AP3B1: variants seen among roughly 807,000 people sequenced by gnomAD.
AP3B1 encodes AP-3 complex subunit beta-1.
AP3B1 carries 61 observed loss-of-function variants against 132.5 expected under a neutral mutation model. The observed-to-expected ratio is 0.46, with a 90% CI of 0.37 to 0.57. The LOEUF (loss-of-function observed/expected upper bound fraction) is 0.57. AP3B1 is among the 20% of genes least tolerant of loss of function. AP3B1 has a pLI of 0.00. For synonymous variants in AP3B1, 388 were observed against 438.3 expected (o/e 0.89, Z 1.43); for missense variants, 1,120 against 1,289.4 (o/e 0.87, Z 2.01).
chr5:78,088,409 C>T (rs957508376), intron 22 of AP3B1, among the ~76,000 whole-genome samples: 14 of 152,224 alleles, frequency 9.2e-5, no homozygotes, highest in South Asian at 4.2e-4. Flanking sequence ...ACTTTCTGAG[C>T]GAGGTGACCA....
intron 7 of AP3B1, among the ~76,000 whole-genome samples, chr5:78,182,091 A>T (rs1261732551): frequency 1.3e-5 from 2 of 152,208 alleles, no homozygotes; most frequent in Non-Finnish European, 2.9e-5. Flanking sequence ...ACATAAAAGA[A>T]ATCACAGTAA....
intron 15 of AP3B1, among the ~76,000 whole-genome samples, chr5:78,133,671 G>A (rs1752776191): frequency 1.3e-5 from 2 of 152,126 alleles, no homozygotes; most frequent in African/African-American, 4.8e-5. Flanking sequence ...TAATTAAATA[G>A]TACTTTTAAA....
chr5:78,064,325 G>A (rs1749186520), intron 22 of AP3B1, among the ~76,000 whole-genome samples: 1 of 151,978 alleles, frequency 6.6e-6, no homozygotes, highest in African/African-American at 2.4e-5. Flanking sequence ...GACCCTTTCT[G>A]GAAGTTGATT....
intron 1 of AP3B1, among the ~76,000 whole-genome samples, chr5:78,292,804 G>A (rs1392572450): frequency 6.6e-6 from 1 of 151,440 alleles, no homozygotes; most frequent in Non-Finnish European, 1.5e-5. Context: ...CAAGAGCACT[G>A]GTCACAGAGT....
intron 21 of AP3B1, among the ~76,000 whole-genome samples, chr5:78,096,849 C>G (rs1022101392): frequency 1.1e-4 from 16 of 148,316 alleles, no homozygotes; most frequent in African/African-American, 4.0e-4. Flanking sequence ...GGGGGCTCAG[C>G]CCCCGCCAGG....
intron 22 of AP3B1, among the ~76,000 whole-genome samples, chr5:78,083,235 A>C (rs1750092781): frequency 6.6e-6 from 1 of 152,220 alleles, no homozygotes; most frequent in South Asian, 2.1e-4. Context: ...AGAAACAAAA[A>C]ACGCAAAGGA....
At chr5:78,201,164 T>G (rs931061156) in intron 7 of AP3B1, among the ~76,000 whole-genome samples, 13 of 152,108 alleles carry the variant, frequency 8.5e-5, no homozygotes, top group African/African-American at 2.7e-4. Flanking sequence ...TTCTGTTGTT[T>G]AAGCCACCCA....
At chr5:78,011,968 T>C (rs1746643079) in intron 26 of AP3B1, among the ~76,000 whole-genome samples, 1 of 152,090 alleles carries the variant, frequency 6.6e-6, no homozygotes, top group African/African-American at 2.4e-5. Context: ...AAAATTTTAA[T>C]CTCTTAAAAT....
intron 26 of AP3B1, among the ~76,000 whole-genome samples, chr5:78,014,141 T>C (rs1282089): frequency 1 from 151,922 of 152,164 alleles, 75,845 homozygotes; most frequent in Middle Eastern, 1. Flanking sequence ...CCAGCCTGGG[T>C]GACAGAGTAA....
intron 1 of AP3B1, among the ~76,000 whole-genome samples, chr5:78,274,494 G>A (rs1032806080): frequency 1.3e-5 from 2 of 151,950 alleles, no homozygotes; most frequent in Middle Eastern, 3.4e-3. Flanking sequence ...TAATGGTTAA[G>A]AATTGTTCTG....
At chr5:78,043,110 G>A (rs928992673) in intron 22 of AP3B1, 8 of 152,968 alleles carry the variant, frequency 5.2e-5, no homozygotes, top group African/African-American at 1.9e-4. Flanking sequence ...CTTCAATCTT[G>A]GACTTTTTCT....
chr5:78,172,473 C>A (rs942235329), intron 11 of AP3B1, among the ~76,000 whole-genome samples: 5 of 152,052 alleles, frequency 3.3e-5, no homozygotes, highest in Admixed American at 6.6e-5. Context: ...GGAGTGTGTA[C>A]GTGTCCAGGA....
At chr5:78,101,206 T>C (rs1285929722) in intron 20 of AP3B1, among the ~76,000 whole-genome samples, 181 bp from the exon 21 acceptor site, 3 of 152,162 alleles carry the variant, frequency 2.0e-5, no homozygotes, top group Non-Finnish European at 4.4e-5. Flanking sequence ...GCATATAGTA[T>C]TTCTTACCCA....
chr5:78,294,642 C>T lies in AP3B1; in HGVS notation c.-63G>A. 1 of 1,610,272 alleles carries T rather than the reference C, an allele frequency of 6.2e-7. No individual in the cohort carries two copies. The highest frequency in any genetic ancestry group is 8.5e-7 in the Non-Finnish European group (1 of 1,179,338). ...GGGGTTCTCTCCAAAAGGTTCCAGT[C>T]CAGAGGGCACGGAACAAAACTAGTT... On this transcript the variant is annotated 5_prime_UTR_variant, in exon 1 of 27. Transcript: ENST00000255194.
At position 78,017,696 on chromosome 5, in the gene AP3B1, A is replaced by T. The variant is rs137994521; in HGVS notation, c.2993-2148T>A. On this transcript the variant is annotated intron_variant, in intron 25 of 26. Coordinates refer to ENST00000255194, the MANE Select transcript of AP3B1 (RefSeq NM_003664.5). The stretch of plus-strand genomic sequence containing the variant: ...AACTATATCAGGTATTCTCAAATTA[A>T]CAGGAAAGAAAAATAGGCAAAGGTT... 1.1e-3 allele frequency among the ~76,000 whole-genome samples: 166 copies of T among 152,198 alleles called. 1 individual carries two copies. The highest frequency in any genetic ancestry group is 3.9e-3 in the African/African-American group (162 of 41,568).
Position 78,141,214 on chromosome 5 carries a change from T to C in AP3B1, c.1579A>G (p.Ser527Gly), listed in dbSNP as rs748434719. Residue 527 changes from serine (S) to glycine (G), a missense_variant, in exon 15 of 27, where the codon AGT (serine) becomes GGT (glycine). Physicochemically the swap from Ser to Gly is moderately conservative, Grantham distance 56. Coordinates refer to ENST00000255194, the MANE Select transcript of AP3B1 (RefSeq NM_003664.5). ...VLRKMAKSFT[S>G]EDDLVKLQIL... is the part of the protein sequence containing the mutation. ...TGCAGTTTTACCAGATCATCTTCAC[T>C]AGTGAAGCTTTTAGCCATCTTCCTC... The C allele has an allele frequency of 8.1e-6, 13 of 1,613,742 alleles. No individual in the cohort carries two copies. Among genetic ancestry groups the C allele is most frequent in the Non-Finnish European group, 1.1e-5 (13 of 1,179,802 alleles).
chr5:78,156,796 C>T (rs1743168467), intron 13 of AP3B1, among the ~76,000 whole-genome samples: 1 of 151,538 alleles, frequency 6.6e-6, no homozygotes, highest in African/African-American at 2.4e-5. Context: ...AAACAGCAAA[C>T]TAAAAAAAAA....
intron 22 of AP3B1, among the ~76,000 whole-genome samples, chr5:78,051,023 G>T (rs973371085): frequency 6.6e-6 from 1 of 152,128 alleles, no homozygotes; most frequent in Non-Finnish European, 1.5e-5. Context: ...GATGGTTTAT[G>T]AAAATAAGCA....
At position 78,113,852 on chromosome 5, in the gene AP3B1, T is replaced by G; in HGVS notation, c.2149A>C (p.Ser717Arg). Reference sequence around the variant, plus strand: ...TCCTGCTCACTGGAGGAGTCCTCACTGCTGTCCTCATTGCTGTCTCCTTCC... The same window carrying G: ...TCCTGCTCACTGGAGGAGTCCTCACGGCTGTCCTCATTGCTGTCTCCTTCC... ...GEEGDSNEDS[S>R]EDSSSEQDSE... The change falls in exon 19 of 27, where the codon AGT becomes CGT. Residue 717 changes from serine to arginine, a missense_variant. Transcript: ENST00000255194. The G allele has an allele frequency of 1.2e-6, 2 of 1,614,226 alleles. No individual in the cohort carries two copies. The highest frequency in any genetic ancestry group is 1.7e-6 in the Non-Finnish European group (2 of 1,180,026).
Sources: allele counts gnomAD v4.1 joint callset (sites outside exome capture counted in the v4.1 genomes callset), GRCh38; gene constraint gnomAD v4.1.1; transcripts MANE v1.5; gene names NCBI Gene and HGNC (gene_info 2026-07-23, HGNC 2026-07-21).